The following PBX1 variants were observed in gnomAD, a reference collection of about 807,000 sequenced individuals.
PBX1 encodes the protein pre-B-cell leukemia transcription factor 1.
Under a neutral mutation model 53.4 loss-of-function variants are expected in PBX1, and 6 were observed. The ratio of observed to expected loss-of-function variants is 0.11; its 90% CI spans 0.06 to 0.22. The LOEUF (loss-of-function observed/expected upper bound fraction) is 0.22, where lower values mean the gene tolerates loss of function less well. Ranked by LOEUF, PBX1 falls within the 10% of genes least tolerant of loss-of-function variation. PBX1 has a pLI of 1.00. For missense variants in PBX1, 251 were observed against 551.4 expected, an observed-to-expected ratio of 0.46 and a Z score of 5.46; for synonymous variants, 204 against 212.3, an observed-to-expected ratio of 0.96 and a Z score of 0.34.
intron 2 of PBX1, among the ~76,000 whole-genome samples, chr1:164,574,906 C>T (rs759629641): frequency 1.3e-4 from 20 of 151,950 alleles, no homozygotes; most frequent in African/African-American, 1.9e-4. Context: ...TTCTTGAACC[C>T]GGGAGGTGGA....
intron 2 of PBX1, among the ~76,000 whole-genome samples, chr1:164,660,972 G>A (rs1351030042): frequency 6.6e-6 from 1 of 152,162 alleles, no homozygotes; most frequent in African/African-American, 2.4e-5. Context: ...TTCTGGTACA[G>A]GAGGAAACCC....
intron 2 of PBX1, among the ~76,000 whole-genome samples, chr1:164,745,683 C>T (rs1665855979): frequency 6.6e-6 from 1 of 152,206 alleles, no homozygotes; most frequent in Non-Finnish European, 1.5e-5. Flanking sequence ...AGCTTCTAAG[C>T]ATTTTCTGCC....
chr1:164,759,218 G>A (rs1051226150), intron 2 of PBX1, among the ~76,000 whole-genome samples: 1 of 152,188 alleles, frequency 6.6e-6, no homozygotes, highest in African/African-American at 2.4e-5. Context: ...TCTTTTTGCA[G>A]GTGAGGGTGG....
chr1:164,630,115 T>A (rs1379973611), intron 2 of PBX1, among the ~76,000 whole-genome samples: 2 of 152,198 alleles, frequency 1.3e-5, no homozygotes, highest in African/African-American at 4.8e-5. Flanking sequence ...ACCTAATGCT[T>A]GTGACCAATG....
At chr1:164,587,766 C>A (rs1354373988) in intron 2 of PBX1, among the ~76,000 whole-genome samples, 1 of 152,190 alleles carries the variant, frequency 6.6e-6, no homozygotes, top group Non-Finnish European at 1.5e-5. Flanking sequence ...TTCTCACTTG[C>A]AGCAGTCCGG....
intron 2 of PBX1, among the ~76,000 whole-genome samples, chr1:164,757,875 A>G (rs1174286250): frequency 6.6e-6 from 1 of 152,224 alleles, no homozygotes; most frequent in Non-Finnish European, 1.5e-5. Flanking sequence ...TGGGCTGGTC[A>G]AAGTGAACCT....
chr1:164,560,551 T>G, intron 1 of PBX1: 1 of 125,348 alleles, frequency 8.0e-6, no homozygotes, highest in Non-Finnish European at 1.5e-5. Flanking sequence ...TTCTCCTTTC[T>G]TCCCCCCCTA....
intron 2 of PBX1, among the ~76,000 whole-genome samples, chr1:164,881,343 AGG>A (rs1553256506): frequency 3.0e-5 from 1 of 33,086 alleles, no homozygotes; most frequent in African/African-American, 4.9e-5. Context: ...GAAGGAAGGA[AGG>A]AAGGAAGGAA....
At chr1:164,616,251 C>G (rs1657271067) in intron 2 of PBX1, among the ~76,000 whole-genome samples, 1 of 152,090 alleles carries the variant, frequency 6.6e-6, no homozygotes, top group African/African-American at 2.4e-5. Context: ...GGCCAGGAGG[C>G]ACACTGCTGC....
intron 2 of PBX1, among the ~76,000 whole-genome samples, chr1:164,772,754 G>A (rs1667440630): frequency 1.3e-5 from 2 of 152,212 alleles, no homozygotes; most frequent in African/African-American, 4.8e-5. Context: ...GGTGGCCCCA[G>A]AGAAGACCTC....
At chr1:164,698,877 C>T (rs1571242492) in intron 2 of PBX1, among the ~76,000 whole-genome samples, 1 of 152,190 alleles carries the variant, frequency 6.6e-6, no homozygotes, top group Non-Finnish European at 1.5e-5. Context: ...ACAACTGCCT[C>T]CATTTTACAT....
chr1:164,613,382 T>C (rs1409608319), intron 2 of PBX1, among the ~76,000 whole-genome samples: 1 of 152,214 alleles, frequency 6.6e-6, no homozygotes, highest in African/African-American at 2.4e-5. Flanking sequence ...CCTTGCTGAC[T>C]CAGCCTTTGT....
intron 2 of PBX1, among the ~76,000 whole-genome samples, chr1:164,568,937 C>T (rs1653632749): frequency 6.6e-6 from 1 of 152,220 alleles, no homozygotes; most frequent in Non-Finnish European, 1.5e-5. Flanking sequence ...GTCTTCTTAC[C>T]TCTAACAGCT....
Position 164,707,739 on chromosome 1 carries a change from G to A in PBX1, c.266-84755G>A, listed in dbSNP as rs75633099. 7.1e-3 allele frequency among the ~76,000 whole-genome samples: 1,083 copies of A among 152,280 alleles called. 17 individuals carry two copies. The highest frequency in any genetic ancestry group is 0.025 in the African/African-American group (1,037 of 41,550). On this transcript the variant is annotated intron_variant, in intron 2 of 8. Transcript: ENST00000420696. Reference sequence around the variant, plus strand: ...CAGTGGGAGGAAGAGGAAAGAAAACGTGCTGCTCCCAGATGGGGAAGCCTT... The same window carrying A: ...CAGTGGGAGGAAGAGGAAAGAAAACATGCTGCTCCCAGATGGGGAAGCCTT...
At chr1:164,768,913 T>C (rs1667221133) in intron 2 of PBX1, among the ~76,000 whole-genome samples, 1 of 152,038 alleles carries the variant, frequency 6.6e-6, no homozygotes, top group African/African-American at 2.4e-5. Flanking sequence ...ATTAACTGGG[T>C]GTGGTGGCAC....
At chr1:164,560,735 T>C (rs1363617290) in intron 1 of PBX1, among the ~76,000 whole-genome samples, 1 of 152,196 alleles carries the variant, frequency 6.6e-6, no homozygotes. Context: ...AGTTTAACTT[T>C]ATTGTCTCCT....
At chr1:164,746,907 G>C (rs973651420) in intron 2 of PBX1, among the ~76,000 whole-genome samples, 5 of 152,170 alleles carry the variant, frequency 3.3e-5, no homozygotes, top group African/African-American at 1.2e-4. Flanking sequence ...CTGATGTAGG[G>C]CCATTTGGGC....
intron 2 of PBX1, among the ~76,000 whole-genome samples, chr1:164,777,354 C>T (rs552523562): frequency 3.7e-4 from 56 of 152,260 alleles, no homozygotes; most frequent in Non-Finnish European, 5.3e-4. Context: ...ACCCGGGAGG[C>T]GGAGGCTGCA....
intron 2 of PBX1, among the ~76,000 whole-genome samples, chr1:164,645,241 C>G (rs1465312708): frequency 1.3e-5 from 2 of 152,150 alleles, no homozygotes; most frequent in Non-Finnish European, 2.9e-5. Context: ...AGGATTCCCC[C>G]CCTTCTTTTG....
Sources: allele counts gnomAD v4.1 joint callset (sites outside exome capture counted in the v4.1 genomes callset), GRCh38; gene constraint gnomAD v4.1.1; transcripts MANE v1.5; gene names NCBI Gene and HGNC (gene_info 2026-07-23, HGNC 2026-07-21).